HHAT: variants seen among roughly 807,000 people sequenced by gnomAD.
HHAT encodes protein-cysteine N-palmitoyltransferase HHAT.
HHAT carries 47 observed loss-of-function variants against 70.8 expected under a neutral mutation model. The ratio of observed to expected loss-of-function variants is 0.66; its 90% CI spans 0.53 to 0.85. The LOEUF is 0.85. Among genes scored for constraint, HHAT ranks in the 40% least tolerant of loss-of-function variants. The pLI is 0.00. For synonymous variants in HHAT, 228 were observed against 247.6 expected, an observed-to-expected ratio of 0.92 and a Z score of 0.74; for missense variants, 609 against 604.8, an observed-to-expected ratio of 1.01 and a Z score of -0.07.
intron 11 of HHAT, among the ~76,000 whole-genome samples, chr1:210,628,534 C>T (rs546080716): frequency 1.3e-4 from 20 of 152,152 alleles, no homozygotes; most frequent in Non-Finnish European, 2.6e-4. Flanking sequence ...TTCTATTATC[C>T]TATCTATTTT....
At chr1:210,386,821 C>T (rs1246892406) in intron 3 of HHAT, among the ~76,000 whole-genome samples, 2 of 152,152 alleles carry the variant, frequency 1.3e-5, no homozygotes, top group Non-Finnish European at 2.9e-5. Flanking sequence ...GATGTGGAAC[C>T]TGGTACTGAT....
chr1:210,581,230 G>A (rs537659928), intron 9 of HHAT, among the ~76,000 whole-genome samples: 212 of 152,244 alleles, frequency 1.4e-3, no homozygotes, highest in South Asian at 2.3e-3. Flanking sequence ...GTATTAGACC[G>A]TTGTCAGATG....
At chr1:210,516,309 CG>C (rs375145014) in intron 9 of HHAT, among the ~76,000 whole-genome samples, 9 of 151,870 alleles carry the variant, frequency 5.9e-5, no homozygotes, top group African/African-American at 2.2e-4. Context: ...GTGGAGAGGG[CG>C]GGTGGAGTGG....
At chr1:210,409,265 A>G (rs2092444524) in intron 6 of HHAT, among the ~76,000 whole-genome samples, 1 of 152,172 alleles carries the variant, frequency 6.6e-6, no homozygotes, top group Non-Finnish European at 1.5e-5. Context: ...TACAATGCAG[A>G]TAGAGTGAAG....
rs561607283 is a variant in HHAT, at chr1:210,524,473, G to A, written c.1043+11285G>A. 6.4e-3 allele frequency among the ~76,000 whole-genome samples: 969 copies of A among 152,198 alleles called. 6 individuals carry two copies. The highest frequency in any genetic ancestry group is 7.3e-3 in the African/African-American group (304 of 41,536). ...AAGCCAGAGGGAAGTGCAAGCCCCC[G>A]CCCCTGAGTTGCAAAGGAACATGCT... On this transcript the variant is annotated intron_variant, in intron 9 of 11. Coordinates refer to ENST00000261458, the MANE Select transcript of HHAT (RefSeq NM_018194.6).
At chr1:210,396,120 A>C (rs1158047519) in intron 4 of HHAT, among the ~76,000 whole-genome samples, 1 of 152,206 alleles carries the variant, frequency 6.6e-6, no homozygotes, top group Non-Finnish European at 1.5e-5. Context: ...CATAGCGTTC[A>C]GTCTGGCTTT....
At chr1:210,405,234 C>T (rs1022970691) in intron 6 of HHAT, among the ~76,000 whole-genome samples, 1 of 151,890 alleles carries the variant, frequency 6.6e-6, no homozygotes, top group African/African-American at 2.4e-5. Flanking sequence ...GTGCCCAGGC[C>T]CCCGCCTGCC....
chr1:210,473,735 A>G (rs1212154958), intron 8 of HHAT, among the ~76,000 whole-genome samples: 1 of 152,126 alleles, frequency 6.6e-6, no homozygotes, highest in Non-Finnish European at 1.5e-5. Flanking sequence ...CACCTTGATG[A>G]CTGTCCTCTT....
intron 9 of HHAT, among the ~76,000 whole-genome samples, chr1:210,526,367 G>GTTTTGTTTTGTTTTGTTTTGTTTTTT: frequency 2.8e-5 from 4 of 142,336 alleles, no homozygotes; most frequent in South Asian, 4.4e-4. Context: ...AGTGGGTTCT[G>GTTTTGTTTTGTTTTGTTTTGTTTTTT]TTTTTTTTTT....
At chr1:210,459,694 C>T (rs75325211) in intron 7 of HHAT, among the ~76,000 whole-genome samples, 1 of 152,222 alleles carries the variant, frequency 6.6e-6, no homozygotes, top group Non-Finnish European at 1.5e-5. Context: ...AGGGCAGCAT[C>T]TGCCACCTCA....
chr1:210,348,195 C>T (rs1374768668), intron 1 of HHAT, among the ~76,000 whole-genome samples: 1 of 152,132 alleles, frequency 6.6e-6, no homozygotes, highest in Non-Finnish European at 1.5e-5. Flanking sequence ...GCCTGGGAAA[C>T]ATAGACCCTG....
intron 3 of HHAT, among the ~76,000 whole-genome samples, chr1:210,376,523 C>T (rs186433112): frequency 3.0e-4 from 46 of 152,230 alleles, no homozygotes; most frequent in Non-Finnish European, 6.3e-4. Context: ...TTTATTAATA[C>T]GCAAATAGAT....
intron 9 of HHAT, among the ~76,000 whole-genome samples, chr1:210,519,826 C>CTTTTTTTTTT (rs561537666): frequency 1.1e-4 from 14 of 127,256 alleles, no homozygotes; most frequent in Non-Finnish European, 6.6e-5. Context: ...CCACACTTGG[C>CTTTTTTTTTT]TTTTTTTTTT....
intron 10 of HHAT, among the ~76,000 whole-genome samples, chr1:210,618,548 C>T (rs1430576781): frequency 1.3e-5 from 2 of 152,206 alleles, no homozygotes; most frequent in African/African-American, 4.8e-5. Context: ...GCCTTTGTCA[C>T]AGTCTCCAGC....
chr1:210,517,300 A>G (rs149047314), intron 9 of HHAT, among the ~76,000 whole-genome samples: 1 of 151,932 alleles, frequency 6.6e-6, no homozygotes, highest in Admixed American at 6.6e-5. Flanking sequence ...TTCTTCTTTT[A>G]TCTTTGAATA....
At chr1:210,557,853 G>C (rs1347698964) in intron 9 of HHAT, among the ~76,000 whole-genome samples, 1 of 152,168 alleles carries the variant, frequency 6.6e-6, no homozygotes, top group Non-Finnish European at 1.5e-5. Context: ...CACCTGTCAA[G>C]GAAGAAGTGG....
chr1:210,670,815 C>T (rs1196597399), intron 11 of HHAT, among the ~76,000 whole-genome samples: 3 of 152,162 alleles, frequency 2.0e-5, no homozygotes, highest in Non-Finnish European at 4.4e-5. Context: ...AAAGCACTAC[C>T]AAATCTGTGA....
intron 5 of HHAT, among the ~76,000 whole-genome samples, chr1:210,401,796 G>A (rs1053587044): frequency 1.3e-5 from 2 of 152,170 alleles, no homozygotes; most frequent in Non-Finnish European, 2.9e-5. Flanking sequence ...TTGCTGAGGC[G>A]ATTGCACCTA....
chr1:210,511,780 CTTTTTTTTTTTT>C (rs201825628), intron 8 of HHAT, among the ~76,000 whole-genome samples: 2 of 88,456 alleles, frequency 2.3e-5, no homozygotes, highest in Non-Finnish European at 4.6e-5. Flanking sequence ...GCCGCCTGGT[CTTTTTTTTTTTT>C]TTTTTTTTTT....
Sources: allele counts gnomAD v4.1 joint callset (sites outside exome capture counted in the v4.1 genomes callset), GRCh38; gene constraint gnomAD v4.1.1; transcripts MANE v1.5; gene names NCBI Gene and HGNC (gene_info 2026-07-23, HGNC 2026-07-21).